The following GINS3 variants were observed in gnomAD, a reference collection of about 807,000 sequenced individuals.
The protein encoded by GINS3 is DNA replication complex GINS protein PSF3.
A neutral mutation model predicts 20.0 loss-of-function variants in GINS3; 18 were observed. That is an observed-to-expected ratio of 0.90 (90% CI 0.62 to 1.33). GINS3 has a LOEUF of 1.33. GINS3 is among the 40% of genes most tolerant of loss of function. The pLI is 0.00. For synonymous variants in GINS3, 109 were observed against 107.0 expected, an observed-to-expected ratio of 1.02 and a Z score of -0.12; for missense variants, 254 against 273.6, an observed-to-expected ratio of 0.93 and a Z score of 0.51.
At chr16:58,401,717 T>G (rs1459470467) in intron 1 of GINS3, among the ~76,000 whole-genome samples, 1 of 152,246 alleles carries the variant, frequency 6.6e-6, no homozygotes, top group African/African-American at 2.4e-5. Flanking sequence ...ATTACAGGCG[T>G]GAGCCACCGG....
chr16:58,402,133 C>T (rs554837677), intron 1 of GINS3, among the ~76,000 whole-genome samples: 1 of 152,294 alleles, frequency 6.6e-6, no homozygotes, highest in Admixed American at 6.5e-5. Context: ...TTCTCATTCA[C>T]AGTCCTGTCT....
rs767123662 is a variant in GINS3 at position 58,392,647 on chromosome 16, G to A, written c.46G>A (p.Glu16Lys). Residue 16 changes from glutamate to lysine, a missense_variant, in exon 1 of 3, where the codon GAG (glutamate) becomes AAG (lysine). Coordinates refer to ENST00000318129, the MANE Select transcript of GINS3 (RefSeq NM_022770.4). ...AGTGGAGTCGGGTGCGCTGGGGCCT[G>A]AGGAGAACTTTCTTTCTTTGGACGA... ...FRVESGALGP[E>K]ENFLSLDDIL... The A allele has an allele frequency of 1.1e-5, 17 of 1,614,010 alleles. No individual in the cohort carries two copies. The highest frequency in any genetic ancestry group is 1.4e-5 in the Non-Finnish European group (17 of 1,179,944).
chr16:58,395,655 C>G (rs1965843295), intron 1 of GINS3, among the ~76,000 whole-genome samples: 1 of 152,170 alleles, frequency 6.6e-6, no homozygotes, highest in Admixed American at 6.5e-5. Context: ...GGGGTAAGGT[C>G]ACAGATCAAC....
Position 58,404,919 on chromosome 16 carries a change from G to A in GINS3, c.*190G>A, listed in dbSNP as rs1451359393. On this transcript the variant is annotated 3_prime_UTR_variant, in exon 3 of 3. Coordinates refer to ENST00000318129, the MANE Select transcript of GINS3 (RefSeq NM_022770.4). ...GTCCCTGGCTCTGTGAGTCTTCCAG[G>A]ACCGTCCCACCCTGCTGACCCACAG... The A allele has an allele frequency of 5.1e-6, 3 of 589,898 alleles. No individual in the cohort carries two copies. The highest frequency in any genetic ancestry group is 9.0e-6 in the Non-Finnish European group (3 of 333,218). 36.5% of individuals were successfully genotyped at this position (589,898 alleles called of 1,614,324 possible).
At chr16:58,395,616 C>T (rs1454774745) in intron 1 of GINS3, among the ~76,000 whole-genome samples, 1 of 152,180 alleles carries the variant, frequency 6.6e-6, no homozygotes, top group Non-Finnish European at 1.5e-5. Flanking sequence ...TGAGTGGACA[C>T]AGCATATGTT....
intron 1 of GINS3, 124 bp from the exon 2 acceptor site, chr16:58,402,974 C>A: frequency 1.4e-6 from 1 of 727,618 alleles, no homozygotes; most frequent in Non-Finnish European, 2.3e-6. Context: ...GTCTTCTGTG[C>A]TTGACAGCCA....
chr16:58,401,996 G>A (rs531978293), intron 1 of GINS3, among the ~76,000 whole-genome samples: 2 of 151,772 alleles, frequency 1.3e-5, no homozygotes, highest in Admixed American at 6.6e-5. Context: ...TCAATCTATC[G>A]CTCCTGCCCA....
intron 1 of GINS3, among the ~76,000 whole-genome samples, chr16:58,396,739 C>T (rs868128033): frequency 2.3e-5 from 3 of 130,878 alleles, no homozygotes; most frequent in Non-Finnish European, 3.3e-5. Context: ...CCCTCCCGGA[C>T]GGGGCGGCTG....
chr16:58,400,569 C>T (rs575081753), intron 1 of GINS3, among the ~76,000 whole-genome samples: 4 of 152,312 alleles, frequency 2.6e-5, no homozygotes, highest in Admixed American at 1.3e-4. Flanking sequence ...AATCCAAGTT[C>T]CCAAATGCCA....
intron 1 of GINS3, among the ~76,000 whole-genome samples, chr16:58,395,788 C>G (rs988157196): frequency 1.0e-3 from 159 of 152,316 alleles, no homozygotes; most frequent in Non-Finnish European, 1.7e-3. Context: ...ACCTTTCCCC[C>G]CTTTCTATTC....
intron 1 of GINS3, among the ~76,000 whole-genome samples, chr16:58,398,007 A>C (rs1278473796): frequency 1.3e-5 from 2 of 152,052 alleles, no homozygotes; most frequent in African/African-American, 4.8e-5. Flanking sequence ...GGAGTCTATC[A>C]ATTTTTTTAT....
rs1381041885 is a variant in GINS3, at chr16:58,397,051, TGGCCGGGCGGGG to T, written c.186+4268_186+4279del. ...CCACCTCCCTTCCGGACAGGGCGGC[TGGCCGGGCGGGG>T]GGCTGACCCCCACCTCCCTCCTGGA... On this transcript the variant is annotated intron_variant, in intron 1 of 2. Coordinates refer to ENST00000318129, the MANE Select transcript of GINS3 (RefSeq NM_022770.4). Among the ~76,000 whole-genome samples, 923 of 148,542 alleles carry T rather than the reference TGGCCGGGCGGGG, an allele frequency of 6.2e-3. 9 individuals carry two copies. Among genetic ancestry groups the T allele is most frequent in the African/African-American group, 0.022 (873 of 39,542 alleles).
At chr16:58,397,374 G>A (rs1358897366) in intron 1 of GINS3, among the ~76,000 whole-genome samples, 1 of 145,812 alleles carries the variant, frequency 6.9e-6, no homozygotes, top group Non-Finnish European at 1.5e-5. Context: ...GGGCAGCCAG[G>A]CAGAGAGGCT....
chr16:58,398,512 G>A (rs1183491709), intron 1 of GINS3, among the ~76,000 whole-genome samples: 5 of 152,128 alleles, frequency 3.3e-5, no homozygotes, highest in Non-Finnish European at 5.9e-5. Context: ...AGGAGGCTGA[G>A]GCAAGAGGAT....
At chr16:58,395,805 G>A (rs944014493) in intron 1 of GINS3, among the ~76,000 whole-genome samples, 17 of 152,096 alleles carry the variant, frequency 1.1e-4, no homozygotes, top group South Asian at 6.2e-4. Context: ...ATTCCACAAA[G>A]CCGCCATTGT....
Position 58,403,345 on chromosome 16 carries a change from GTGAAAACC to G in GINS3, c.420+17_420+24del. 1 of 1,596,344 alleles carries G rather than the reference GTGAAAACC, an allele frequency of 6.3e-7. No individual in the cohort carries two copies. On this transcript the variant is annotated intron_variant, in intron 2 of 2. Coordinates refer to ENST00000318129, the MANE Select transcript of GINS3 (RefSeq NM_022770.4). ...TCTCTGCTGCAGGCAAGTAATGGGT[GTGAAAACC>G]TGTGGTGCTGCACTTGTCTCAAGAG...
intron 2 of GINS3, chr16:58,403,755 A>C (rs111671458): frequency 0.013 from 2,478 of 185,138 alleles, 17 homozygotes; most frequent in Non-Finnish European, 0.021. Context: ...AGAGAAAAAA[A>C]GGGCTATGGT....
At chr16:58,394,095 G>C (rs978282924) in intron 1 of GINS3, among the ~76,000 whole-genome samples, 1 of 152,066 alleles carries the variant, frequency 6.6e-6, no homozygotes, top group Non-Finnish European at 1.5e-5. Context: ...TAAACATGGC[G>C]CTATGCTGCC....
intron 1 of GINS3, among the ~76,000 whole-genome samples, chr16:58,402,396 G>C (rs1452173229): frequency 6.6e-6 from 1 of 152,172 alleles, no homozygotes; most frequent in Non-Finnish European, 1.5e-5. Flanking sequence ...CTAGTCCTGT[G>C]CAGTTTGCCA....
Sources: gnomAD v4.1 joint callset for allele counts (sites outside exome capture counted in the v4.1 genomes callset) on GRCh38, gnomAD v4.1.1 for gene constraint, MANE v1.5 for transcripts, NCBI Gene and HGNC (gene_info 2026-07-23, HGNC 2026-07-21) for gene names.